ZKSCAN7: variants seen among roughly 807,000 people sequenced by gnomAD.
ZKSCAN7 encodes the protein zinc finger protein with KRAB and SCAN domains 7.
In ZKSCAN7, 38 loss-of-function variants were observed where a neutral mutation model predicts 65.3. The observed-to-expected ratio is 0.58, with a 90% CI of 0.45 to 0.76. The LOEUF (loss-of-function observed/expected upper bound fraction) is 0.76, where lower values mean the gene tolerates loss of function less well. ZKSCAN7 is among the 30% of genes least tolerant of loss of function. The pLI, the probability that ZKSCAN7 is intolerant of heterozygous loss-of-function variation, is 0.00. For missense variants in ZKSCAN7, 815 were observed against 913.3 expected (o/e 0.89, Z 1.39); for synonymous variants, 321 against 321.0 (o/e 1.00, Z 0.00).
chr3:44,580,760 C>A (rs1700055591), intron 5 of ZKSCAN7: 1 of 1,613,696 alleles, frequency 6.2e-7, no homozygotes. Flanking sequence ...GGGTCGTGGG[C>A]ATCTCATCCA....
At chr3:44,579,286 C>G (rs1238860105) in intron 5 of ZKSCAN7, among the ~76,000 whole-genome samples, 1 of 152,248 alleles carries the variant, frequency 6.6e-6, no homozygotes, top group Non-Finnish European at 1.5e-5. Context: ...GTGCACGCTC[C>G]CGCTCCAGCT....
chr3:44,580,742 C>A (rs1445787824), intron 5 of ZKSCAN7: 13 of 1,613,824 alleles, frequency 8.1e-6, no homozygotes, highest in Non-Finnish European at 1.1e-5. Flanking sequence ...TGATGGTGCC[C>A]TGAGGAAGGG....
At chr3:44,557,594 TG>T in intron 2 of ZKSCAN7, 124 bp downstream of exon 2, 1 of 1,384,286 alleles carries the variant, frequency 7.2e-7, no homozygotes, top group Non-Finnish European at 9.8e-7. Context: ...GAACTTGTCC[TG>T]TGGATAGAGG....
exon 6 of ZKSCAN7, chr3:44,582,999 T>C (rs905192278): frequency 1.8e-5 from 8 of 446,964 alleles, no homozygotes; most frequent in African/African-American, 1.4e-4. Flanking sequence ...TGATCTTGGC[T>C]CACTTCAATC....
chr3:44,566,664 G>A (rs1021906869), intron 3 of ZKSCAN7, among the ~76,000 whole-genome samples: 1 of 151,840 alleles, frequency 6.6e-6, no homozygotes, highest in Non-Finnish European at 1.5e-5. Flanking sequence ...GAGAGATAGG[G>A]TCTCACTCTG....
At chr3:44,560,362 A>G (rs1575358423) in intron 2 of ZKSCAN7, among the ~76,000 whole-genome samples, 1 of 152,164 alleles carries the variant, frequency 6.6e-6, no homozygotes, top group South Asian at 2.1e-4. Context: ...AATTGGAGTC[A>G]TTTTGCTTAT....
intron 1 of ZKSCAN7, among the ~76,000 whole-genome samples, 197 bp from the exon 2 acceptor site, chr3:44,556,733 A>G (rs1286416183): frequency 1.3e-5 from 2 of 152,200 alleles, no homozygotes; most frequent in South Asian, 2.1e-4. Flanking sequence ...AATGCAAGGC[A>G]TAGACATTTA....
intron 2 of ZKSCAN7, among the ~76,000 whole-genome samples, chr3:44,565,168 C>T (rs1699595065): frequency 6.6e-6 from 1 of 152,184 alleles, no homozygotes; most frequent in Non-Finnish European, 1.5e-5. Context: ...CTGAATTGCT[C>T]TCCTGGCTCC....
intron 5 of ZKSCAN7, chr3:44,580,243 T>C: frequency 6.2e-7 from 1 of 1,613,268 alleles, no homozygotes; most frequent in Non-Finnish European, 8.5e-7. Flanking sequence ...AAGTAGCTGC[T>C]CTCCCCCCGG....
At chr3:44,572,497 A>G (rs1699835474), downstream of ZKSCAN7, among the ~76,000 whole-genome samples, 1 of 151,890 alleles carries the variant, frequency 6.6e-6, no homozygotes, top group Admixed American at 6.6e-5. Flanking sequence ...ACTTTCCCCT[A>G]CATGCTGATT....
chr3:44,570,661 C>CACT lies in ZKSCAN7; in HGVS notation c.1552_1554dup (p.Thr518dup), dbSNP rs745323955. ...GTCTTGCTCGACATCAGGTCCTGCACACTGGTAAGAAACCTTACAAATGCA... is the reference window on the plus strand; with the variant it reads ...GTCTTGCTCGACATCAGGTCCTGCACACTACTGGTAAGAAACCTTACAAATGCA... On this transcript the variant is annotated inframe_insertion, in exon 6 of 6. Transcript: ENST00000426540. 139 of 1,613,896 alleles carry CACT rather than the reference C, an allele frequency of 8.6e-5. No homozygotes were observed. The highest frequency in any genetic ancestry group is 1.1e-4 in the Non-Finnish European group (131 of 1,180,006).
chr3:44,567,690 A>G (rs1043234054), intron 3 of ZKSCAN7, among the ~76,000 whole-genome samples: 1 of 151,980 alleles, frequency 6.6e-6, no homozygotes, highest in Non-Finnish European at 1.5e-5. Flanking sequence ...GAAGAGAGTG[A>G]GGGCTTGGAG....
rs201471996 is a variant in ZKSCAN7, at chr3:44,568,317, C to T, written c.695C>T (p.Ala232Val). ...LRMVRPQDTV[A>V]YEDLSVDYTQ... is the part of the protein sequence containing the mutation. The stretch of plus-strand genomic sequence containing the variant: ...AGCTTGTCATTCCAGGATACTGTGG[C>T]ATATGAGGACCTATCTGTAGACTAC... Residue 232 changes from alanine (A) to valine (V), a missense_variant, in exon 5 of 6, where the codon GCA becomes GTA. Coordinates refer to ENST00000426540, the MANE Select transcript of ZKSCAN7 (RefSeq NM_001288590.2). 1.2e-6 allele frequency: 2 copies of T among 1,612,882 alleles called. No individual in the cohort carries two copies. Among genetic ancestry groups the T allele is most frequent in the Admixed American group, 1.7e-5 (1 of 59,786 alleles).
downstream of ZKSCAN7, among the ~76,000 whole-genome samples, chr3:44,574,687 T>A (rs972419098): frequency 1.3e-5 from 2 of 152,118 alleles, no homozygotes; most frequent in African/African-American, 4.8e-5. Flanking sequence ...CCCAGCACTT[T>A]GGGAGGCTGA....
At chr3:44,580,635 C>G (rs1286966904) in intron 5 of ZKSCAN7, 3 of 1,613,894 alleles carry the variant, frequency 1.9e-6, no homozygotes, top group African/African-American at 2.7e-5. Context: ...GGTCTCCGCC[C>G]GGATGAAATG....
chr3:44,571,935 G>T lies in ZKSCAN7; in HGVS notation c.*560G>T, dbSNP rs993053391. On this transcript the variant is annotated 3_prime_UTR_variant, in exon 6 of 6. Transcript: ENST00000426540. ...ATCACTGAAATACTTTCTTCTTCAA[G>T]TACTTTTTTATTTTTCTTCAACTTC... 67 of 986,060 alleles carry T rather than the reference G, an allele frequency of 6.8e-5. No homozygotes were observed. The highest frequency in any genetic ancestry group is 7.7e-5 in the Non-Finnish European group (64 of 830,504). The allele number at this position is 986,060 out of a possible 1,614,324, so 61.1% of individuals were successfully genotyped here. A position where few individuals can be genotyped will look rare whatever the true frequency, so the allele number is the denominator to read the frequency against.
rs1220531443 is a variant in ZKSCAN7, at chr3:44,555,248, GT to G, written c.-351del. On this transcript the variant is annotated 5_prime_UTR_variant, in exon 1 of 6. Coordinates refer to ENST00000426540, the MANE Select transcript of ZKSCAN7 (RefSeq NM_001288590.2). Reference sequence around the variant, plus strand: ...ACGGGCAGTAGAGTGTCCGGCTTCGGTGCCGAGTGCCACCGCGAGTGGGCCG... The same window carrying G: ...ACGGGCAGTAGAGTGTCCGGCTTCGGGCCGAGTGCCACCGCGAGTGGGCCG... 6.6e-6 allele frequency: 1 copy of G among 152,266 alleles called. No individual in the cohort carries two copies. The highest frequency in any genetic ancestry group is 1.5e-5 in the Non-Finnish European group (1 of 68,052). The allele number at this position is 152,266 out of a possible 1,614,324, so 9.4% of individuals were successfully genotyped here.
chr3:44,572,849 CAAAAA>C (rs11339297), downstream of ZKSCAN7, among the ~76,000 whole-genome samples: 1,077 of 72,436 alleles, frequency 0.015, 29 homozygotes, highest in African/African-American at 0.055. Context: ...GACTCTGTCT[CAAAAA>C]AAAAAAAAAA....
Position 44,571,627 on chromosome 3 carries a change from T to C in ZKSCAN7, c.*252T>C. On this transcript the variant is annotated 3_prime_UTR_variant, in exon 6 of 6. Transcript: ENST00000426540. ...TTCTTTACTTTTAAATTTTAACTTT[T>C]AAAATCTATTTCATTTCTTAGTTAT... is the stretch of plus-strand genomic sequence containing the variant. 1 of 1,332,338 alleles carries C rather than the reference T, an allele frequency of 7.5e-7. No individual in the cohort carries two copies. Among genetic ancestry groups the C allele is most frequent in the Non-Finnish European group, 9.6e-7 (1 of 1,043,722 alleles). The allele number at this position is 1,332,338 out of a possible 1,614,324, so 82.5% of individuals were successfully genotyped here. A position where few individuals can be genotyped will look rare whatever the true frequency, so the allele number is the denominator to read the frequency against.
Sources: gnomAD v4.1 joint callset for allele counts (sites outside exome capture counted in the v4.1 genomes callset) on GRCh38, gnomAD v4.1.1 for gene constraint, MANE v1.5 for transcripts, NCBI Gene and HGNC (gene_info 2026-07-23, HGNC 2026-07-21) for gene names.